The following PBX3 variants were observed in gnomAD, a reference collection of about 807,000 sequenced individuals.
PBX3 encodes PBX homeobox 3, also known as pre-B-cell leukemia transcription factor 3.
A neutral mutation model predicts 48.5 loss-of-function variants in PBX3; 14 were observed. The ratio of observed to expected loss-of-function variants is 0.29; its 90% CI spans 0.19 to 0.45. The LOEUF is 0.45. Among genes scored for constraint, PBX3 ranks in the 20% least tolerant of loss-of-function variants. The probability of loss-of-function intolerance (pLI) is 1.00; values close to 1 mark genes in which losing one functional copy is unlikely to be tolerated. For missense variants in PBX3, 386 were observed against 546.7 expected (o/e 0.71, Z 2.93); for synonymous variants, 210 against 200.3 (o/e 1.05, Z -0.41).
chr9:125,836,603 T>G (rs530296007), intron 2 of PBX3, among the ~76,000 whole-genome samples: 13 of 152,240 alleles, frequency 8.5e-5, no homozygotes, highest in African/African-American at 3.1e-4. Context: ...CTCAGTAGGG[T>G]GACCTATAGT....
chr9:125,871,738 A>G (rs1840130780), intron 2 of PBX3, among the ~76,000 whole-genome samples: 1 of 152,206 alleles, frequency 6.6e-6, no homozygotes, highest in Admixed American at 6.5e-5. Flanking sequence ...AATATATTAC[A>G]ATTAGTTTTA....
chr9:125,781,600 GAGAGGC>G (rs1396097899), intron 2 of PBX3, among the ~76,000 whole-genome samples: 3 of 149,030 alleles, frequency 2.0e-5, no homozygotes, highest in Non-Finnish European at 3.0e-5. Context: ...AGGCGAGAGG[GAGAGGC>G]AGAGGCAGAG....
chr9:125,854,842 A>G (rs1588223047), intron 2 of PBX3, among the ~76,000 whole-genome samples: 2 of 152,110 alleles, frequency 1.3e-5, no homozygotes, highest in African/African-American at 4.8e-5. Context: ...CAGTTTTGCT[A>G]TTTATTACAG....
chr9:125,830,406 T>A (rs1418388994), intron 2 of PBX3, among the ~76,000 whole-genome samples: 1 of 152,138 alleles, frequency 6.6e-6, no homozygotes, highest in Non-Finnish European at 1.5e-5. Context: ...CAAACAAACT[T>A]CTTTAATGTT....
At chr9:125,863,344 C>T (rs551318132) in intron 2 of PBX3, among the ~76,000 whole-genome samples, 33 of 152,176 alleles carry the variant, frequency 2.2e-4, no homozygotes, top group African/African-American at 5.3e-4. Context: ...GCTGGGACTA[C>T]AGGTGCTTGC....
intron 5 of PBX3, among the ~76,000 whole-genome samples, chr9:125,959,520 G>A (rs1183451945): frequency 6.6e-6 from 1 of 152,254 alleles, no homozygotes; most frequent in Non-Finnish European, 1.5e-5. Context: ...GAGTGCCATA[G>A]GTTGAAGAAT....
chr9:125,918,850 G>A (rs1181883285), intron 3 of PBX3, among the ~76,000 whole-genome samples: 1 of 152,154 alleles, frequency 6.6e-6, no homozygotes, highest in Non-Finnish European at 1.5e-5. Flanking sequence ...TTTCCTTTCA[G>A]TTCTTTAGGG....
intron 2 of PBX3, among the ~76,000 whole-genome samples, chr9:125,893,007 A>G (rs1840685691): frequency 6.6e-6 from 1 of 152,198 alleles, no homozygotes; most frequent in African/African-American, 2.4e-5. Flanking sequence ...GAAAGTGGAA[A>G]TTACTACACT....
In PBX3 at chr9:125,839,771, G is replaced by C. The variant is rs139459630; in HGVS notation, c.275-75915G>C. On this transcript the variant is annotated intron_variant, in intron 2 of 8. Transcript: ENST00000373489. Reference sequence around the variant, plus strand: ...ATGAAAGGCCGAGGAAAGCAAAAGAGAAAAGGGATACTGTTGGGATATGAT... The same window carrying C: ...ATGAAAGGCCGAGGAAAGCAAAAGACAAAAGGGATACTGTTGGGATATGAT... Among the ~76,000 whole-genome samples, 220 of 152,308 alleles carry C rather than the reference G, an allele frequency of 1.4e-3. 2 individuals are homozygous for C. Among genetic ancestry groups the C allele is most frequent in the African/African-American group, 4.8e-3 (200 of 41,562 alleles).
chr9:125,844,714 G>A (rs183730012), intron 2 of PBX3: 1 of 151,984 alleles, frequency 6.6e-6, no homozygotes, highest in Non-Finnish European at 1.5e-5. Context: ...ATCCAGTCTT[G>A]GAAGAAAACT....
At chr9:125,860,991 G>T (rs1839850071) in intron 2 of PBX3, among the ~76,000 whole-genome samples, 1 of 150,210 alleles carries the variant, frequency 6.7e-6, no homozygotes, top group Admixed American at 6.6e-5. Context: ...TGATTATAAT[G>T]AAAAAGGCAG....
chr9:125,785,427 G>T (rs1256906650), intron 2 of PBX3, among the ~76,000 whole-genome samples: 1 of 152,206 alleles, frequency 6.6e-6, no homozygotes, highest in Non-Finnish European at 1.5e-5. Context: ...TTTCTCCCAT[G>T]CTGGATGCTT....
At chr9:125,876,120 C>A (rs1198740848) in intron 2 of PBX3, among the ~76,000 whole-genome samples, 1 of 152,166 alleles carries the variant, frequency 6.6e-6, no homozygotes, top group Non-Finnish European at 1.5e-5. Context: ...TTTTATGGCT[C>A]CCCTTTAACT....
At chr9:125,749,759 G>A (rs1402880916) in intron 2 of PBX3, among the ~76,000 whole-genome samples, 1 of 152,098 alleles carries the variant, frequency 6.6e-6, no homozygotes, top group Non-Finnish European at 1.5e-5. Context: ...TGATAGGCGA[G>A]TCAGCCTTCT....
chr9:125,803,021 A>G lies in PBX3; in HGVS notation c.274+54398A>G, dbSNP rs116927714. Among the ~76,000 whole-genome samples, 130 of 151,752 alleles carry G rather than the reference A, an allele frequency of 8.6e-4. 1 individual carries two copies. Among genetic ancestry groups the G allele is most frequent in the Non-Finnish European group, 1.6e-3 (106 of 67,920 alleles). Reference sequence around the variant, plus strand: ...TACAATGATACTCTGTTTTATAACCATAACACAATTATTAAAATCAGGAAT... The same window carrying G: ...TACAATGATACTCTGTTTTATAACCGTAACACAATTATTAAAATCAGGAAT... On this transcript the variant is annotated intron_variant, in intron 2 of 8. Transcript: ENST00000373489.
At chr9:125,958,640 CA>C in intron 5 of PBX3, among the ~76,000 whole-genome samples, 1 of 152,208 alleles carries the variant, frequency 6.6e-6, no homozygotes, top group Non-Finnish European at 1.5e-5. Flanking sequence ...AGATCAGGAC[CA>C]CAAAGAAAAT....
intron 5 of PBX3, chr9:125,949,438 G>T: frequency 6.4e-7 from 1 of 1,550,696 alleles, no homozygotes; most frequent in Non-Finnish European, 8.7e-7. Flanking sequence ...GCCAACTAGC[G>T]TGGTAAGTAT....
chr9:125,805,593 A>G (rs1034624674), intron 2 of PBX3, among the ~76,000 whole-genome samples: 25 of 152,204 alleles, frequency 1.6e-4, no homozygotes, highest in African/African-American at 5.3e-4. Flanking sequence ...ACGGAGATAA[A>G]TGGATGGATT....
intron 2 of PBX3, among the ~76,000 whole-genome samples, chr9:125,756,934 C>T (rs1836533639): frequency 6.6e-6 from 1 of 152,166 alleles, no homozygotes; most frequent in Admixed American, 6.6e-5. Flanking sequence ...TCTCTGATTA[C>T]TTGCAAAATT....
Sources: allele counts gnomAD v4.1 joint callset (sites outside exome capture counted in the v4.1 genomes callset), GRCh38; gene constraint gnomAD v4.1.1; transcripts MANE v1.5; gene names NCBI Gene and HGNC (gene_info 2026-07-23, HGNC 2026-07-21).